Variants in MLIP observed in about 807,000 individuals in gnomAD.
The protein encoded by MLIP is muscular LMNA interacting protein.
A neutral mutation model predicts 84.8 loss-of-function variants in MLIP; 79 were observed. That is an observed-to-expected ratio of 0.93 (90% CI 0.78 to 1.12). The LOEUF (loss-of-function observed/expected upper bound fraction) is 1.12, where lower values mean the gene tolerates loss of function less well. MLIP is among the 50% of genes most tolerant of loss of function. The pLI is 0.00. For synonymous variants in MLIP, 504 were observed against 463.0 expected (o/e 1.09, Z -1.14); for missense variants, 1,257 against 1,160.6 (o/e 1.08, Z -1.21).
intron 11 of MLIP, among the ~76,000 whole-genome samples, chr6:54,205,385 C>T (rs1408940365): frequency 6.6e-6 from 1 of 152,154 alleles, no homozygotes; most frequent in East Asian, 1.9e-4. Flanking sequence ...ACAGTTGGGC[C>T]AAATGGAAGT....
intron 8 of MLIP, among the ~76,000 whole-genome samples, chr6:54,165,784 C>A (rs1008505711): frequency 2.0e-5 from 3 of 151,892 alleles, no homozygotes; most frequent in African/African-American, 7.2e-5. Context: ...GCCCCACCCA[C>A]CCACTCAGAA....
intron 1 of MLIP, among the ~76,000 whole-genome samples, chr6:54,024,963 G>A (rs772157668): frequency 1.3e-5 from 2 of 151,228 alleles, no homozygotes; most frequent in African/African-American, 2.4e-5. Flanking sequence ...TCAGTCTCCC[G>A]AGTAGCTGGG....
At chr6:54,035,595 A>G (rs1276697944) in intron 1 of MLIP, among the ~76,000 whole-genome samples, 1 of 152,004 alleles carries the variant, frequency 6.6e-6, no homozygotes, top group Non-Finnish European at 1.5e-5. Context: ...GCAATGTATG[A>G]GTGTCACAGT....
At chr6:54,251,723 A>T (rs1361003896) in intron 12 of MLIP, among the ~76,000 whole-genome samples, 1 of 104,714 alleles carries the variant, frequency 9.5e-6, no homozygotes, top group African/African-American at 4.3e-5. Context: ...ATATATTATA[A>T]CATATGATAT....
chr6:54,143,507 G>C (rs1772513209), intron 4 of MLIP, among the ~76,000 whole-genome samples: 1 of 152,096 alleles, frequency 6.6e-6, no homozygotes, highest in Non-Finnish European at 1.5e-5. Flanking sequence ...CACTGGCCAG[G>C]ATTTGCATTT....
intron 1 of MLIP, among the ~76,000 whole-genome samples, chr6:54,089,770 T>C (rs1767738485): frequency 6.6e-6 from 1 of 152,160 alleles, no homozygotes; most frequent in Non-Finnish European, 1.5e-5. Context: ...CTTCAGAATG[T>C]TTCTAAAGTA....
chr6:54,028,291 C>T (rs1456226933), intron 1 of MLIP, among the ~76,000 whole-genome samples: 1 of 152,090 alleles, frequency 6.6e-6, no homozygotes, highest in Non-Finnish European at 1.5e-5. Context: ...CCACCCCCAG[C>T]TTGGTCTTCA....
At chr6:54,096,474 G>A (rs1235264875) in intron 1 of MLIP, among the ~76,000 whole-genome samples, 1 of 151,934 alleles carries the variant, frequency 6.6e-6, no homozygotes, top group Non-Finnish European at 1.5e-5. Context: ...CTCCTTCAGG[G>A]TCAACCTCAT....
intron 1 of MLIP, among the ~76,000 whole-genome samples, chr6:54,082,361 C>T (rs544810305): frequency 6.6e-6 from 1 of 152,182 alleles, no homozygotes; most frequent in Non-Finnish European, 1.5e-5. Context: ...TTTGGAGGAA[C>T]TGCCGAACAT....
intron 3 of MLIP, among the ~76,000 whole-genome samples, chr6:54,135,164 T>C (rs1295432422): frequency 6.6e-6 from 1 of 152,108 alleles, no homozygotes; most frequent in Non-Finnish European, 1.5e-5. Flanking sequence ...TCTAACCAAA[T>C]GCATCAGTTA....
At chr6:54,139,496 T>C (rs924519428) in intron 4 of MLIP, among the ~76,000 whole-genome samples, 1 of 152,162 alleles carries the variant, frequency 6.6e-6, no homozygotes, top group African/African-American at 2.4e-5. Flanking sequence ...CAGAAGTCTG[T>C]GTGTGGAGAC....
At chr6:54,177,284 C>T (rs1776383894) in intron 9 of MLIP, among the ~76,000 whole-genome samples, 1 of 151,878 alleles carries the variant, frequency 6.6e-6, no homozygotes, top group African/African-American at 2.4e-5. Flanking sequence ...GAAATTTTTA[C>T]AATCTATCCA....
intron 1 of MLIP, among the ~76,000 whole-genome samples, chr6:54,037,060 T>G (rs901516249): frequency 2.6e-5 from 4 of 152,014 alleles, no homozygotes; most frequent in Admixed American, 2.0e-4. Flanking sequence ...ATCTTGTCCT[T>G]GGTCCACACA....
chr6:54,030,660 C>G (rs1475685303), intron 1 of MLIP: 1 of 151,572 alleles, frequency 6.6e-6, no homozygotes, highest in East Asian at 1.9e-4. Flanking sequence ...AGATATTTTC[C>G]TAGGAAAGCA....
At chr6:54,083,498 A>G (rs1767293844) in intron 1 of MLIP, 2 of 1,535,032 alleles carry the variant, frequency 1.3e-6, no homozygotes, top group South Asian at 1.2e-5. Flanking sequence ...GTGTTTGTCA[A>G]TGAGTTCTAT....
intron 1 of MLIP, among the ~76,000 whole-genome samples, chr6:54,098,442 C>T (rs2150384166): frequency 6.7e-6 from 1 of 148,786 alleles, no homozygotes; most frequent in Non-Finnish European, 1.5e-5. Flanking sequence ...GCTGGGATTA[C>T]AGGAGTGAGC....
chr6:54,144,213 T>C (rs1431754073), intron 4 of MLIP, among the ~76,000 whole-genome samples: 1 of 152,134 alleles, frequency 6.6e-6, no homozygotes, highest in Non-Finnish European at 1.5e-5. Flanking sequence ...AGGACTGATG[T>C]CAGGGAGATT....
intron 8 of MLIP, among the ~76,000 whole-genome samples, chr6:54,166,244 T>C (rs1179580435): frequency 6.6e-6 from 1 of 151,972 alleles, no homozygotes; most frequent in Admixed American, 6.6e-5. Flanking sequence ...TCTTTAGTTA[T>C]TTCATAACTA....
rs200172527 is a variant in MLIP, at chr6:54,124,511, C to A, written c.291C>A (p.Ser97Arg). The A allele has an allele frequency of 6.2e-7, 1 of 1,614,010 alleles. No individual in the cohort carries two copies. Among genetic ancestry groups the A allele is most frequent in the East Asian group, 2.2e-5 (1 of 44,884 alleles). ...SNDYLTLNAG[S>R]QQERDQAKLT... is the part of the protein sequence containing the mutation. ...ACTACTTGACCTTGAATGCTGGGAG[C>A]CAACAAGAGAGAGACCAAGCGAAAT... The change falls in exon 3 of 14, where the codon AGC (serine) becomes AGA (arginine). Residue 97 changes from serine (S) to arginine (R), a missense_variant. Coordinates refer to ENST00000502396, the MANE Select transcript of MLIP (RefSeq NM_001281747.2).
Sources: allele counts gnomAD v4.1 joint callset (sites outside exome capture counted in the v4.1 genomes callset), GRCh38; gene constraint gnomAD v4.1.1; transcripts MANE v1.5; gene names NCBI Gene and HGNC (gene_info 2026-07-23, HGNC 2026-07-21).